Variants in TOX3 observed in about 807,000 individuals in gnomAD.
The protein encoded by TOX3 is TOX high mobility group box family member 3, also known as CAG trinucleotide repeat-containing gene F9 protein.
TOX3 carries 22 observed loss-of-function variants against 64.3 expected under a neutral mutation model. The ratio of observed to expected loss-of-function variants is 0.34; its 90% CI spans 0.24 to 0.49. The LOEUF (loss-of-function observed/expected upper bound fraction) is 0.49, where lower values mean the gene tolerates loss of function less well. Among genes scored for constraint, TOX3 ranks in the 20% least tolerant of loss-of-function variants. TOX3 has a pLI of 0.99. For synonymous variants in TOX3, 291 were observed against 273.6 expected, an observed-to-expected ratio of 1.06 and a Z score of -0.63; for missense variants, 661 against 714.4, an observed-to-expected ratio of 0.93 and a Z score of 0.85.
rs536001478 is a variant in TOX3 at position 52,450,901 on chromosome 16, C to A, written c.409-355G>T. Reference sequence around the variant, plus strand: ...ATTAGAAAAACTAAATATAATCTTTCATCTCTTGTTTCTTATTGAGTAAAC... The same window carrying A: ...ATTAGAAAAACTAAATATAATCTTTAATCTCTTGTTTCTTATTGAGTAAAC... On this transcript the variant is annotated intron_variant, in intron 3 of 6. Transcript: ENST00000219746. 2.0e-5 allele frequency among the ~76,000 whole-genome samples: 3 copies of A among 152,256 alleles called. No homozygotes were observed. In the South Asian group the frequency reaches 6.2e-4, roughly 32 times the overall value.
chr16:52,507,518 G>A (rs964191420), intron 1 of TOX3, among the ~76,000 whole-genome samples: 2 of 152,216 alleles, frequency 1.3e-5, no homozygotes, highest in African/African-American at 4.8e-5. Flanking sequence ...GAGTGCTTCT[G>A]TGATTACGTA....
chr16:52,531,839 T>A (rs1000014667), intron 1 of TOX3, among the ~76,000 whole-genome samples: 2 of 152,120 alleles, frequency 1.3e-5, no homozygotes, highest in African/African-American at 2.4e-5. Flanking sequence ...GAGAGAGGCC[T>A]GGGCTAGGAT....
chr16:52,546,996 G>C lies in TOX3; in HGVS notation c.-273C>G, dbSNP rs1043379825. ...AGGCAGCGCTGCGCGCGGGCCGGGC[G>C]CCGGGGGCGCGGGGCGCGGCGCTGG... On this transcript the variant is annotated 5_prime_UTR_variant, in exon 1 of 7. Coordinates refer to ENST00000219746, the MANE Select transcript of TOX3 (RefSeq NM_001080430.4). 1.0e-6 allele frequency: 1 copy of C among 968,574 alleles called. No homozygotes were observed. Among genetic ancestry groups the C allele is most frequent in the Non-Finnish European group, 1.2e-6 (1 of 818,310 alleles). 60.0% of individuals were successfully genotyped at this position (968,574 alleles called of 1,614,324 possible).
intron 3 of TOX3, among the ~76,000 whole-genome samples, chr16:52,455,596 G>A (rs1048461282): frequency 6.6e-6 from 1 of 152,066 alleles, no homozygotes; most frequent in Non-Finnish European, 1.5e-5. Flanking sequence ...AAATAAATAG[G>A]TTATACAAAA....
chr16:52,457,396 C>A (rs775195735), intron 3 of TOX3, among the ~76,000 whole-genome samples: 1 of 152,084 alleles, frequency 6.6e-6, no homozygotes, highest in Non-Finnish European at 1.5e-5. Flanking sequence ...CATCTTCTAT[C>A]TATACTTACA....
At position 52,512,691 on chromosome 16, in the gene TOX3, G is replaced by C. The variant is rs2151472938; in HGVS notation, c.87+33946C>G. ...TACTTTTGAAAGGCTTCTCAGAAGAGGTGACATTTTTGAGCTGAGACACAA... is the reference window on the plus strand; with the variant it reads ...TACTTTTGAAAGGCTTCTCAGAAGACGTGACATTTTTGAGCTGAGACACAA... On this transcript the variant is annotated intron_variant, in intron 1 of 6. Coordinates refer to ENST00000219746, the MANE Select transcript of TOX3 (RefSeq NM_001080430.4). Among the ~76,000 whole-genome samples, 2 of 152,290 alleles carry C rather than the reference G, an allele frequency of 1.3e-5. 1 individual carries two copies. Among genetic ancestry groups the C allele is most frequent in the Admixed American group, 1.3e-4 (2 of 15,300 alleles).
intron 1 of TOX3, among the ~76,000 whole-genome samples, chr16:52,504,822 TC>T (rs1962115695): frequency 8.6e-6 from 1 of 116,116 alleles, no homozygotes; most frequent in South Asian, 2.7e-4. Flanking sequence ...AAGAAGAGGG[TC>T]TTTTTGTTTG....
At chr16:52,476,396 C>T (rs2151445410) in intron 1 of TOX3, among the ~76,000 whole-genome samples, 1 of 152,278 alleles carries the variant, frequency 6.6e-6, no homozygotes, top group East Asian at 1.9e-4. Context: ...CCCTCTCAAA[C>T]CCAACTGCAC....
chr16:52,475,441 C>T (rs1961180352), intron 1 of TOX3: 1 of 152,200 alleles, frequency 6.6e-6, no homozygotes, highest in African/African-American at 2.4e-5. Flanking sequence ...AATATGGTAA[C>T]ATTAAGGCTT....
chr16:52,535,959 A>C (rs1244960126), intron 1 of TOX3, among the ~76,000 whole-genome samples: 2 of 152,246 alleles, frequency 1.3e-5, no homozygotes, highest in Non-Finnish European at 2.9e-5. Flanking sequence ...TCACTGCTGC[A>C]TTCCTATTGC....
At chr16:52,456,761 T>G (rs1960529253) in intron 3 of TOX3, among the ~76,000 whole-genome samples, 1 of 152,210 alleles carries the variant, frequency 6.6e-6, no homozygotes, top group South Asian at 2.1e-4. Flanking sequence ...AAATCACTCA[T>G]GGCCAATAGA....
At position 52,496,940 on chromosome 16, in the gene TOX3, C is replaced by T. The variant is rs8044985; in HGVS notation, c.88-28366G>A. ...AAAAAAAAAAGCAAGTGTTTAAAAA[C>T]AAAAACAAAACCCCTGCAATCAAAT... On this transcript the variant is annotated intron_variant, in intron 1 of 6. Transcript: ENST00000219746. Among the ~76,000 whole-genome samples the T allele has an allele frequency of 9.0e-3, 1,352 of 150,574 alleles. 21 individuals carry two copies. The highest frequency in any genetic ancestry group is 0.03 in the African/African-American group (1,252 of 41,150).
chr16:52,451,929 G>A (rs573364805), intron 3 of TOX3, among the ~76,000 whole-genome samples: 1 of 152,126 alleles, frequency 6.6e-6, no homozygotes, highest in South Asian at 2.1e-4. Flanking sequence ...GCATATTGAG[G>A]GGGCTTGTCC....
intron 3 of TOX3, among the ~76,000 whole-genome samples, chr16:52,463,159 C>T (rs1408165115): frequency 6.6e-6 from 1 of 152,120 alleles, no homozygotes; most frequent in Non-Finnish European, 1.5e-5. Context: ...AAAAAAAGCT[C>T]TATAAACTAT....
intron 1 of TOX3, among the ~76,000 whole-genome samples, chr16:52,530,284 G>T (rs954839594): frequency 6.6e-6 from 1 of 151,998 alleles, no homozygotes; most frequent in Non-Finnish European, 1.5e-5. Context: ...CAGGCCATGA[G>T]TTTTGCCTGT....
At chr16:52,467,870 T>A (rs1478819592) in intron 2 of TOX3, among the ~76,000 whole-genome samples, 1 of 152,196 alleles carries the variant, frequency 6.6e-6, no homozygotes, top group Admixed American at 6.5e-5. Flanking sequence ...AATGAGGTGC[T>A]GCATTTTGAT....
chr16:52,539,380 C>T (rs1567357225), intron 1 of TOX3, among the ~76,000 whole-genome samples: 1 of 152,162 alleles, frequency 6.6e-6, no homozygotes, highest in Non-Finnish European at 1.5e-5. Flanking sequence ...ATGTTTCCTT[C>T]CAAATAACTA....
In TOX3 at chr16:52,464,032, G is replaced by C. The variant is rs1219070355; in HGVS notation, c.310C>G (p.Pro104Ala). Residue 104 changes from proline (P) to alanine (A), a missense_variant, in exon 3 of 7, where the codon CCC becomes GCC. By Grantham distance (27) the Pro-to-Ala change is conservative. Transcript: ENST00000219746. ...TCCAGGCTTTGAGGGGGAAACTGGG[G>C]TGTGAATTCACTTCCCTGGGAAGGC... ...PLPSQGSEFT[P>A]QFPPQSLDLP... 1 of 1,602,092 alleles carries C rather than the reference G, an allele frequency of 6.2e-7. No homozygotes were observed. Among genetic ancestry groups the C allele is most frequent in the South Asian group, 1.1e-5 (1 of 88,546 alleles).
chr16:52,493,491 G>A (rs7186907), intron 1 of TOX3, among the ~76,000 whole-genome samples: 75,754 of 151,952 alleles, frequency 0.5, 19,471 homozygotes, highest in East Asian at 0.74. Flanking sequence ...AAAGCAATAA[G>A]GTACATTTTA....
Sources: gnomAD v4.1 joint callset for allele counts (sites outside exome capture counted in the v4.1 genomes callset) on GRCh38, gnomAD v4.1.1 for gene constraint, MANE v1.5 for transcripts, NCBI Gene and HGNC (gene_info 2026-07-23, HGNC 2026-07-21) for gene names.